ZFHX2: variants seen among roughly 807,000 people sequenced by gnomAD.
ZFHX2 encodes the protein zinc finger homeobox 2.
ZFHX2 carries 75 observed loss-of-function variants against 164.8 expected under a neutral mutation model. The observed-to-expected ratio is 0.46, with a 90% CI of 0.38 to 0.55. The LOEUF is 0.55. Among genes scored for constraint, ZFHX2 ranks in the 20% least tolerant of loss-of-function variants. The pLI is 0.00. For missense variants in ZFHX2, 2,933 were observed against 3,308.0 expected (o/e 0.89, Z 2.78); for synonymous variants, 1,217 against 1,351.4 (o/e 0.90, Z 2.18).
At chr14:23,530,416 A>T in intron 4 of ZFHX2, 1 of 673,712 alleles carries the variant, frequency 1.5e-6, no homozygotes, top group East Asian at 2.7e-5. Context: ...AGATCATTTT[A>T]TTAAGAGTCC....
chr14:23,533,441 G>A lies in ZFHX2; in HGVS notation c.1885C>T (p.Pro629Ser). The change falls in exon 2 of 10, where the codon CCT becomes TCT. Residue 629 changes from proline (P) to serine (S), a missense_variant. Pro to Ser is a moderately conservative substitution (Grantham distance 74). Coordinates refer to ENST00000419474, the MANE Select transcript of ZFHX2 (RefSeq NM_033400.3). The surrounding 1 kb of genome is among the most constrained non-coding windows in gnomAD (Gnocchi z 4.8). ...GGCCCAAAGTACTGGAAGAGTTCAG[G>A]GGGGCTAGTGGGGGTAGCCCCTGGT... ...PPPGATPTSP[P>S]ELFQYFGPQA... The A allele has an allele frequency of 6.5e-7, 1 of 1,531,782 alleles. No individual in the cohort carries two copies. Among genetic ancestry groups the A allele is most frequent in the East Asian group, 2.4e-5 (1 of 40,842 alleles). 94.9% of individuals were successfully genotyped at this position (1,531,782 alleles called of 1,614,324 possible).
rs1306194245 is a variant in ZFHX2, at chr14:23,525,500, G to C, written c.4442C>G (p.Ala1481Gly). 2.0e-6 allele frequency: 3 copies of C among 1,535,770 alleles called. No individual in the cohort carries two copies. The change falls in exon 9 of 10, where the codon GCC (alanine) becomes GGC (glycine). Residue 1481 changes from alanine to glycine, a missense_variant. Transcript: ENST00000419474. The surrounding 1 kb of genome is among the most constrained non-coding windows in gnomAD (Gnocchi z 5.9). ...GAAGAGTTTCCCACAGGCCCCACAGGCCAGCTTGTCCCCACCCCCGAGGGC... is the reference window on the plus strand; with the variant it reads ...GAAGAGTTTCCCACAGGCCCCACAGCCCAGCTTGTCCCCACCCCCGAGGGC... ...PEALGGGDKLACGACGKLFSN... is the reference protein window; with the variant it reads ...PEALGGGDKLGCGACGKLFSN...
At chr14:23,552,826 T>C (rs545230813), upstream of ZFHX2, among the ~76,000 whole-genome samples, 5 of 152,212 alleles carry the variant, frequency 3.3e-5, no homozygotes, top group South Asian at 1.0e-3. Flanking sequence ...GGTCTCGAAC[T>C]CCTGACCTCA....
Position 23,525,675 on chromosome 14 carries a change from C to G in ZFHX2, c.4267G>C (p.Gly1423Arg). 1 of 1,534,056 alleles carries G rather than the reference C, an allele frequency of 6.5e-7. No homozygotes were observed. The highest frequency in any genetic ancestry group is 2.0e-5 in the Admixed American group (1 of 50,932). ...PPMAKEGNEAGPSSPPDPLPN... is the reference protein window; with the variant it reads ...PPMAKEGNEARPSSPPDPLPN... Reference sequence around the variant, plus strand: ...AATGGGTCGGGGGGTGAGGAAGGCCCTGCCTCATTACCCTCTTTGGCCATG... The same window carrying G: ...AATGGGTCGGGGGGTGAGGAAGGCCGTGCCTCATTACCCTCTTTGGCCATG... The change falls in exon 9 of 10, where the codon GGG becomes CGG. Residue 1423 changes from glycine (G) to arginine (R), a missense_variant. Gly to Arg is a moderately radical substitution (Grantham distance 125). Coordinates refer to ENST00000419474, the MANE Select transcript of ZFHX2 (RefSeq NM_033400.3). The surrounding 1 kb of genome is among the most constrained non-coding windows in gnomAD (Gnocchi z 5.9).
chr14:23,533,265 G>A lies in ZFHX2; in HGVS notation c.2041+20C>T. ...TTGGCCCTGGGGAGGAGAGAAGAGG[G>A]AAGAAGCACAGAAGCTTACCGGATG... On this transcript the variant is annotated intron_variant, in intron 2 of 9. Coordinates refer to ENST00000419474, the MANE Select transcript of ZFHX2 (RefSeq NM_033400.3). The surrounding 1 kb of genome is among the most constrained non-coding windows in gnomAD (Gnocchi z 4.8). 7.0e-7 allele frequency: 1 copy of A among 1,436,064 alleles called. No homozygotes were observed. The highest frequency in any genetic ancestry group is 9.1e-7 in the Non-Finnish European group (1 of 1,099,534). 89.0% of individuals were successfully genotyped at this position (1,436,064 alleles called of 1,614,324 possible).
chr14:23,536,904 G>A (rs1035265234), intron 1 of ZFHX2, among the ~76,000 whole-genome samples: 1 of 152,148 alleles, frequency 6.6e-6, no homozygotes, highest in East Asian at 1.9e-4. Context: ...TTGGGAGGCC[G>A]AGGCAGGCAG....
intron 7 of ZFHX2, 67 bp from the exon 8 acceptor site, chr14:23,527,040 ATCTG>A: frequency 6.9e-7 from 1 of 1,442,842 alleles, no homozygotes; most frequent in Non-Finnish European, 9.1e-7. Flanking sequence ...CTCCTGACCC[ATCTG>A]CCCTACACCT....
At chr14:23,528,709 T>A (rs573393967) in intron 6 of ZFHX2, 747 of 985,378 alleles carry the variant, frequency 7.6e-4, no homozygotes, top group Non-Finnish European at 8.8e-4. Flanking sequence ...TTCCTTCTTC[T>A]TTTTCCTAAT....
intron 6 of ZFHX2, chr14:23,528,692 T>G (rs1337644618): frequency 1.0e-5 from 10 of 985,292 alleles, no homozygotes; most frequent in African/African-American, 1.7e-5. Context: ...ATTTTCCATC[T>G]TTCTTTTTCC....
At chr14:23,538,240 A>G (rs1595173176) in intron 1 of ZFHX2, 1 of 151,630 alleles carries the variant, frequency 6.6e-6, no homozygotes, top group Non-Finnish European at 1.5e-5. Flanking sequence ...TCTCTTCCCC[A>G]CCTCCCAACC....
upstream of ZFHX2, among the ~76,000 whole-genome samples, chr14:23,554,038 C>CAAA (rs61363455): frequency 4.7e-4 from 17 of 36,058 alleles, no homozygotes; most frequent in African/African-American, 9.5e-4. Flanking sequence ...GACTCTGTCT[C>CAAA]AAAAAAAAAA....
Position 23,523,568 on chromosome 14 carries a change from A to G in ZFHX2, c.6374T>C (p.Leu2125Pro). Residue 2125 changes from leucine to proline, a missense_variant, in exon 9 of 10, where the codon CTA becomes CCA. Leu to Pro is a moderately conservative substitution (Grantham distance 98, BLOSUM62 -3). Coordinates refer to ENST00000419474, the MANE Select transcript of ZFHX2 (RefSeq NM_033400.3). The surrounding 1 kb of genome is among the most constrained non-coding windows in gnomAD (Gnocchi z 4.1). ...NARAKEKKAK[L>P]QGTAAGSTGG... ...AGTGCTCCCAGCGGCTGTCCCCTGT[A>G]GTTTGGCCTTCTTTTCCTTGGCACG... 1 of 1,540,768 alleles carries G rather than the reference A, an allele frequency of 6.5e-7. No individual in the cohort carries two copies. Among genetic ancestry groups the G allele is most frequent in the Non-Finnish European group, 8.7e-7 (1 of 1,148,882 alleles).
chr14:23,525,788 GGTGCAGGCCCAGCTA>G lies in ZFHX2; in HGVS notation c.4139_4153del (p.Leu1380_Ala1384del). 6.7e-7 allele frequency: 1 copy of G among 1,491,774 alleles called. No individual in the cohort carries two copies. Among genetic ancestry groups the G allele is most frequent in the South Asian group, 1.3e-5 (1 of 75,764 alleles). The allele number at this position is 1,491,774 out of a possible 1,614,324, so 92.4% of individuals were successfully genotyped here. ...GGTGGCAGCTGGCAGGGACAGCACA[GGTGCAGGCCCAGCTA>G]GTGTCAGCTTGGGCCCCACCTTGAG... On this transcript the variant is annotated inframe_deletion, in exon 9 of 10. Transcript: ENST00000419474. This position sits in a 1 kb window ranked among gnomAD's most constrained non-coding sequence, Gnocchi z 5.9.
chr14:23,532,878 A>G lies in ZFHX2; in HGVS notation c.2248T>C (p.Trp750Arg), dbSNP rs1273775597. ...TGGGTGTCACCAGCCACCTCCTTCC[A>G]TTCAGCTTCCGGGAGGCTCCGGCCT... ...SIGRSLPEAE[W>R]KEVAGDTHRC... Residue 750 changes from tryptophan to arginine, a missense_variant, in exon 3 of 10, where the codon TGG (tryptophan) becomes CGG (arginine). Transcript: ENST00000419474. The G allele has an allele frequency of 2.6e-6, 4 of 1,536,226 alleles. No individual in the cohort carries two copies. Among genetic ancestry groups the G allele is most frequent in the Non-Finnish European group, 3.5e-6 (4 of 1,146,918 alleles).
chr14:23,524,892 CAA>C lies in ZFHX2; in HGVS notation c.5048_5049del (p.Phe1683Ter). 6.5e-7 allele frequency: 1 copy of C among 1,536,390 alleles called. No homozygotes were observed. The highest frequency in any genetic ancestry group is 8.7e-7 in the Non-Finnish European group (1 of 1,146,960). ...RRCHATFSCVFELVRHLKKCY... is the reference protein window; with the variant it reads ...RRCHATFSCVXELVRHLKKCY... ...CACTTCTTGAGGTGGCGCACCAACT[CAA>C]AAACACAGGAGAAAGTGGCGTGGCA... On this transcript the variant is annotated frameshift_variant, in exon 9 of 10. Transcript: ENST00000419474. LOFTEE classifies it high-confidence loss of function. This position sits in a 1 kb window ranked among gnomAD's most constrained non-coding sequence, Gnocchi z 5.6.
chr14:23,522,189 G>A lies in ZFHX2; in HGVS notation c.7492C>T (p.Leu2498=). 1 of 1,490,434 alleles carries A rather than the reference G, an allele frequency of 6.7e-7. No individual in the cohort carries two copies. The highest frequency in any genetic ancestry group is 8.9e-7 in the Non-Finnish European group (1 of 1,124,396). The allele number at this position is 1,490,434 out of a possible 1,614,324, so 92.3% of individuals were successfully genotyped here. Residue 2498 remains leucine, a synonymous_variant, in exon 10 of 10, where the codon CTG becomes TTG. Transcript: ENST00000419474. ...LRVPICTYHC[L]ACEVLLSGRE... ...CCACTCAGCAGCACCTCACATGCCA[G>A]GCAGTGGTAGGTGCAGATGGGCACC...
At position 23,535,210 on chromosome 14, in the gene ZFHX2, T is replaced by C. The variant is rs1203577357; in HGVS notation, c.116A>G (p.Lys39Arg). ...SSSTPSDPVTKDPPAASSTSE... is the reference protein window; with the variant it reads ...SSSTPSDPVTRDPPAASSTSE... ...GGTGGAGGAGGCAGCAGGGGGATCT[T>C]TGGTGACAGGATCAGAGGGGGTGCT... The change falls in exon 2 of 10, where the codon AAA becomes AGA. Residue 39 changes from lysine (K) to arginine (R), a missense_variant. Transcript: ENST00000419474. This position sits in a 1 kb window ranked among gnomAD's most constrained non-coding sequence, Gnocchi z 4.5. The C allele has an allele frequency of 6.5e-7, 1 of 1,528,704 alleles. No homozygotes were observed. Among genetic ancestry groups the C allele is most frequent in the African/African-American group, 1.4e-5 (1 of 72,854 alleles). 94.7% of individuals were successfully genotyped at this position (1,528,704 alleles called of 1,614,324 possible).
At position 23,521,925 on chromosome 14, in the gene ZFHX2, C is replaced by CT; in HGVS notation, c.*36dup. On this transcript the variant is annotated 3_prime_UTR_variant, in exon 10 of 10. Coordinates refer to ENST00000419474, the MANE Select transcript of ZFHX2 (RefSeq NM_033400.3). ...ACCCCTTGGGGTAAAAGAGGGAGCC[C>CT]TGAGGCCCTCCCCTCTCCCCATCTT... 1 of 1,534,696 alleles carries CT rather than the reference C, an allele frequency of 6.5e-7. No individual in the cohort carries two copies. Among genetic ancestry groups the CT allele is most frequent in the Non-Finnish European group, 8.7e-7 (1 of 1,146,510 alleles).
In ZFHX2 at chr14:23,526,665, T is replaced by C; in HGVS notation, c.3277A>G (p.Thr1093Ala). 6.5e-7 allele frequency: 1 copy of C among 1,535,440 alleles called. No homozygotes were observed. The highest frequency in any genetic ancestry group is 2.4e-5 in the East Asian group (1 of 40,854). ...RDQAAEGPNL[T>A]PEASPDPLPE... Reference sequence around the variant, plus strand: ...AGAGGATCTGGACTGGCTTCTGGGGTCAGGTTAGGGCCTTCTAGGGGAGAG... The same window carrying C: ...AGAGGATCTGGACTGGCTTCTGGGGCCAGGTTAGGGCCTTCTAGGGGAGAG... Residue 1093 changes from threonine (T) to alanine (A), a missense_variant, in exon 9 of 10, where the codon ACC becomes GCC. Transcript: ENST00000419474.
Sources: gnomAD v4.1 joint callset for allele counts (sites outside exome capture counted in the v4.1 genomes callset) on GRCh38, gnomAD v4.1.1 for gene constraint, Gnocchi (gnomAD v3.1) non-coding constraint, MANE v1.5 for transcripts, NCBI Gene and HGNC (gene_info 2026-07-23, HGNC 2026-07-21) for gene names.